AKAP13: variants seen among roughly 807,000 people sequenced by gnomAD.
The protein encoded by AKAP13 is A-kinase anchoring protein 13.
In AKAP13, 80 loss-of-function variants were observed where a neutral mutation model predicts 264.5. The ratio of observed to expected loss-of-function variants is 0.30; its 90% CI spans 0.25 to 0.36. The LOEUF is 0.36. Ranked by LOEUF, AKAP13 falls within the 10% of genes least tolerant of loss-of-function variation. The probability of loss-of-function intolerance (pLI) is 1.00; values close to 1 mark genes in which losing one functional copy is unlikely to be tolerated. For missense variants in AKAP13, 3,712 were observed against 3,435.2 expected, an observed-to-expected ratio of 1.08 and a Z score of -2.01; for synonymous variants, 1,380 against 1,250.2, an observed-to-expected ratio of 1.10 and a Z score of -2.19.
intron 23 of AKAP13, 55 bp downstream of exon 23, chr15:85,719,381 T>TG: frequency 6.3e-7 from 1 of 1,596,690 alleles, no homozygotes; most frequent in Non-Finnish European, 8.5e-7. Context: ...AGGGAAGTCA[T>TG]GGGGTTCCAC....
chr15:85,612,945 G>A (rs755196086), intron 8 of AKAP13, among the ~76,000 whole-genome samples: 1 of 152,038 alleles, frequency 6.6e-6, no homozygotes, highest in Non-Finnish European at 1.5e-5. Flanking sequence ...TTGCACTTAC[G>A]GGCTTCATGA....
chr15:85,456,860 G>A (rs1487746924), intron 1 of AKAP13, among the ~76,000 whole-genome samples: 2 of 151,984 alleles, frequency 1.3e-5, no homozygotes, highest in East Asian at 1.9e-4. Flanking sequence ...ATTACTATAC[G>A]TTCTTGTTGA....
chr15:85,500,724 T>C (rs2076016948), intron 2 of AKAP13, among the ~76,000 whole-genome samples: 1 of 152,204 alleles, frequency 6.6e-6, no homozygotes, highest in Non-Finnish European at 1.5e-5. Context: ...GTGGGGGCTG[T>C]AACTTAGGGT....
intron 5 of AKAP13, among the ~76,000 whole-genome samples, chr15:85,557,719 G>C (rs960395369): frequency 3.9e-5 from 6 of 152,054 alleles, no homozygotes; most frequent in Non-Finnish European, 8.8e-5. Context: ...CAAGTGATTT[G>C]CCTGCCTCAG....
intron 17 of AKAP13, among the ~76,000 whole-genome samples, chr15:85,706,741 A>T (rs1467553966): frequency 6.6e-6 from 1 of 152,220 alleles, no homozygotes; most frequent in Admixed American, 6.5e-5. Context: ...TAATTTGAAG[A>T]TTCAGCAGTG....
chr15:85,381,380 C>A (rs2070249267), intron 1 of AKAP13, among the ~76,000 whole-genome samples: 1 of 151,642 alleles, frequency 6.6e-6, no homozygotes, highest in Non-Finnish European at 1.5e-5. Flanking sequence ...CTGACCCGCG[C>A]GGGTCGCAGG....
At chr15:85,638,414 A>G (rs537655349) in intron 8 of AKAP13, among the ~76,000 whole-genome samples, 1 of 152,308 alleles carries the variant, frequency 6.6e-6, no homozygotes, top group East Asian at 1.9e-4. Flanking sequence ...GTGATAGAAT[A>G]TGAACATTCC....
intron 5 of AKAP13, among the ~76,000 whole-genome samples, chr15:85,567,941 GGTGT>G (rs57049395): frequency 0.012 from 1,672 of 141,910 alleles, 15 homozygotes; most frequent in African/African-American, 0.026. Context: ...AGCCCAAAGA[GGTGT>G]GTGTGTGTGT....
chr15:85,451,348 T>C (rs1376366751), intron 1 of AKAP13, among the ~76,000 whole-genome samples: 1 of 152,154 alleles, frequency 6.6e-6, no homozygotes, highest in Non-Finnish European at 1.5e-5. Flanking sequence ...GCCTTTTAAG[T>C]GGGGGCATTT....
At chr15:85,707,989 C>A in intron 17 of AKAP13, 30 bp from the exon 18 acceptor site, 1 of 1,611,632 alleles carries the variant, frequency 6.2e-7, no homozygotes, top group Non-Finnish European at 8.5e-7. Context: ...TTGCTTTGTC[C>A]ATGTGACCTT....
intron 1 of AKAP13, among the ~76,000 whole-genome samples, chr15:85,426,069 A>G (rs901254710): frequency 5.3e-5 from 8 of 152,256 alleles, no homozygotes; most frequent in African/African-American, 1.7e-4. Context: ...GTGAAGGACT[A>G]ATTCATCCAG....
intron 5 of AKAP13, among the ~76,000 whole-genome samples, chr15:85,546,645 A>G (rs1325469021): frequency 6.6e-6 from 1 of 152,178 alleles, no homozygotes; most frequent in Non-Finnish European, 1.5e-5. Context: ...AGGTTTATGC[A>G]CATGTTTTTC....
intron 23 of AKAP13, among the ~76,000 whole-genome samples, chr15:85,719,703 G>T (rs1490796604): frequency 1.3e-5 from 2 of 152,000 alleles, no homozygotes; most frequent in Non-Finnish European, 2.9e-5. Flanking sequence ...TGGGAGATGA[G>T]GAGGGCGGAT....
rs1196606044 is a variant in AKAP13 at position 85,442,498 on chromosome 15, T to TATATTG, written c.-11-43212_-11-43211insATATTG. On this transcript the variant is annotated intron_variant, in intron 1 of 36. Coordinates refer to ENST00000394518, the MANE Select transcript of AKAP13 (RefSeq NM_007200.5). ...TATTATATAATATATATAATATATA[T>TATATTG]TATATTATATATAATATATATTATA... is the stretch of plus-strand genomic sequence containing the variant. Among the ~76,000 whole-genome samples, 12 of 107,532 alleles carry TATATTG rather than the reference T, an allele frequency of 1.1e-4. No individual in the cohort carries two copies. The East Asian group carries it at 2.7e-3, about 24-fold the overall frequency. The allele number at this position is 107,532 out of a possible 152,430, so 70.5% of individuals were successfully genotyped here.
At chr15:85,740,945 G>GT in intron 34 of AKAP13, 101 bp from the exon 35 acceptor site, 1 of 1,502,508 alleles carries the variant, frequency 6.7e-7, no homozygotes, top group Middle Eastern at 2.5e-4. Context: ...GTTCTAGTCC[G>GT]TCATAGTGCC....
intron 8 of AKAP13, among the ~76,000 whole-genome samples, chr15:85,631,971 A>G (rs1408414181): frequency 6.6e-6 from 1 of 152,182 alleles, no homozygotes; most frequent in East Asian, 1.9e-4. Flanking sequence ...TATCCACCCA[A>G]TTGAAAATAG....
chr15:85,562,700 T>C (rs201818513), intron 5 of AKAP13, among the ~76,000 whole-genome samples: 4,955 of 134,934 alleles, frequency 0.037, 170 homozygotes, highest in East Asian at 0.17. Flanking sequence ...TCTTTTTTTT[T>C]TTTTTTTTTT....
chr15:85,502,177 A>G (rs1171671339), intron 2 of AKAP13, among the ~76,000 whole-genome samples: 4 of 152,186 alleles, frequency 2.6e-5, no homozygotes, highest in Admixed American at 6.5e-5. Flanking sequence ...CCATGTAGAG[A>G]AAGTGTATGT....
intron 1 of AKAP13, among the ~76,000 whole-genome samples, chr15:85,433,104 TC>T (rs2073098327): frequency 6.7e-6 from 1 of 150,004 alleles, no homozygotes. Context: ...AACACTGTGT[TC>T]CCTTCTGTAC....
Sources: gnomAD v4.1 joint callset for allele counts (sites outside exome capture counted in the v4.1 genomes callset) on GRCh38, gnomAD v4.1.1 for gene constraint, MANE v1.5 for transcripts, NCBI Gene and HGNC (gene_info 2026-07-23, HGNC 2026-07-21) for gene names.